Variants in ROR2 observed in about 807,000 individuals in gnomAD.
The protein encoded by ROR2 is ROR family WNT receptor 2.
In ROR2, 33 loss-of-function variants were observed where a neutral mutation model predicts 74.9. That is an observed-to-expected ratio of 0.44 (90% CI 0.33 to 0.59). The LOEUF (loss-of-function observed/expected upper bound fraction) is 0.59. ROR2 is among the 20% of genes least tolerant of loss of function. ROR2 has a pLI of 0.02. For synonymous variants in ROR2, 586 were observed against 558.7 expected (o/e 1.05, Z -0.69); for missense variants, 1,216 against 1,313.8 (o/e 0.93, Z 1.15).
intron 1 of ROR2, among the ~76,000 whole-genome samples, chr9:91,936,271 G>A (rs945427034): frequency 2.0e-5 from 3 of 152,240 alleles, no homozygotes; most frequent in Non-Finnish European, 4.4e-5. Flanking sequence ...AAACTGGGCA[G>A]CTTAAACAAC....
At chr9:91,937,452 G>A (rs187034364) in intron 1 of ROR2, among the ~76,000 whole-genome samples, 6 of 151,754 alleles carry the variant, frequency 4.0e-5, no homozygotes, top group East Asian at 3.9e-4. Flanking sequence ...AGATCCAGAC[G>A]CCCCAGGGGT....
chr9:91,880,034 G>A (rs1423915273), intron 1 of ROR2, among the ~76,000 whole-genome samples: 2 of 152,070 alleles, frequency 1.3e-5, no homozygotes, highest in Admixed American at 6.6e-5. Context: ...TCCAAAATTC[G>A]TATGTTGAAG....
At chr9:91,801,665 G>T (rs987659157) in intron 1 of ROR2, among the ~76,000 whole-genome samples, 1 of 152,122 alleles carries the variant, frequency 6.6e-6, no homozygotes, top group Non-Finnish European at 1.5e-5. Flanking sequence ...ATCTCATGCC[G>T]GAATCCCCAG....
chr9:91,860,925 G>A (rs904996729), intron 1 of ROR2, among the ~76,000 whole-genome samples: 1 of 151,972 alleles, frequency 6.6e-6, no homozygotes, highest in Non-Finnish European at 1.5e-5. Flanking sequence ...TATACAAAAC[G>A]AATATACAAA....
intron 1 of ROR2, among the ~76,000 whole-genome samples, chr9:91,784,111 C>T (rs576575004): frequency 9.8e-5 from 15 of 152,286 alleles, no homozygotes; most frequent in African/African-American, 3.4e-4. Flanking sequence ...GACCTGTCCA[C>T]ACCACAGCCC....
At position 91,926,853 on chromosome 9, in the gene ROR2, G is replaced by A. The variant is rs550413768; in HGVS notation, c.97+23014C>T. 2.6e-5 allele frequency among the ~76,000 whole-genome samples: 4 copies of A among 152,254 alleles called. No individual in the cohort carries two copies. The East Asian group carries it at 7.8e-4, about 30-fold the overall frequency. ...GGAACTCAGGAGCGGGGAATAAAGAGGTAGTGTTTCATGGGGAGAGAGCTT... is the reference window on the plus strand; with the variant it reads ...GGAACTCAGGAGCGGGGAATAAAGAAGTAGTGTTTCATGGGGAGAGAGCTT... On this transcript the variant is annotated intron_variant, in intron 1 of 8. Coordinates refer to ENST00000375708, the MANE Select transcript of ROR2 (RefSeq NM_004560.4).
chr9:91,944,308 G>A (rs996757205), intron 1 of ROR2, among the ~76,000 whole-genome samples: 1 of 152,224 alleles, frequency 6.6e-6, no homozygotes, highest in Non-Finnish European at 1.5e-5. Context: ...CTGTCATATA[G>A]GTGGTCCATC....
intron 1 of ROR2, among the ~76,000 whole-genome samples, chr9:91,837,150 T>TTTG (rs1554681446): frequency 9.2e-5 from 14 of 151,914 alleles, no homozygotes; most frequent in Non-Finnish European, 1.9e-4. Flanking sequence ...TGTTTTTTTT[T>TTTG]TTGTTGTTGT....
chr9:91,821,411 G>T (rs1828134422), intron 1 of ROR2, among the ~76,000 whole-genome samples: 1 of 152,114 alleles, frequency 6.6e-6, no homozygotes, highest in Non-Finnish European at 1.5e-5. Flanking sequence ...CTCCACCATG[G>T]AACCACCATT....
intron 1 of ROR2, among the ~76,000 whole-genome samples, chr9:91,941,891 A>G (rs1299951718): frequency 2.0e-5 from 3 of 152,002 alleles, no homozygotes; most frequent in African/African-American, 7.3e-5. Flanking sequence ...CCCGGGTTCA[A>G]GTGATTCTCC....
intron 1 of ROR2, among the ~76,000 whole-genome samples, chr9:91,918,140 C>T (rs1351952666): frequency 2.6e-5 from 4 of 152,026 alleles, no homozygotes; most frequent in Non-Finnish European, 4.4e-5. Context: ...TGGTGGCAGG[C>T]GCCTGTAGTC....
At chr9:91,903,328 C>A (rs145773383) in intron 1 of ROR2, among the ~76,000 whole-genome samples, 2,212 of 152,108 alleles carry the variant, frequency 0.015, 59 homozygotes, top group African/African-American at 0.05. Flanking sequence ...CCGCTGGCTT[C>A]CCCTGCCCAA....
chr9:91,920,792 C>G (rs980288343), intron 1 of ROR2, among the ~76,000 whole-genome samples: 5 of 152,158 alleles, frequency 3.3e-5, no homozygotes, highest in Admixed American at 6.5e-5. Flanking sequence ...GCAGAAGAGG[C>G]GGAGACCCCA....
At chr9:91,885,171 T>C (rs1300820806) in intron 1 of ROR2, among the ~76,000 whole-genome samples, 1 of 152,144 alleles carries the variant, frequency 6.6e-6, no homozygotes, top group Non-Finnish European at 1.5e-5. Flanking sequence ...TCTCTCCCAT[T>C]TGTCAATCAA....
intron 1 of ROR2, among the ~76,000 whole-genome samples, chr9:91,852,645 ACACACC>A (rs1322497692): frequency 1.6e-3 from 239 of 150,432 alleles, no homozygotes; most frequent in African/African-American, 5.6e-3. Context: ...ACACACACAC[ACACACC>A]CACACACACA....
At chr9:91,908,996 TAAG>T (rs1830886078) in intron 1 of ROR2, among the ~76,000 whole-genome samples, 1 of 152,186 alleles carries the variant, frequency 6.6e-6, no homozygotes, top group African/African-American at 2.4e-5. Context: ...CAGAGGAATT[TAAG>T]AAGAAACCAC....
intron 1 of ROR2, chr9:91,948,873 C>A: frequency 2.0e-6 from 2 of 985,522 alleles, no homozygotes; most frequent in South Asian, 9.4e-5. Context: ...TGCCGAGAAT[C>A]CGGCCCGAGG....
intron 1 of ROR2, among the ~76,000 whole-genome samples, chr9:91,792,998 G>C (rs1368755086): frequency 6.6e-6 from 1 of 152,210 alleles, no homozygotes; most frequent in Non-Finnish European, 1.5e-5. Flanking sequence ...GTTTAGAGAA[G>C]AGTTAAGGTC....
intron 3 of ROR2, among the ~76,000 whole-genome samples, chr9:91,756,743 C>CTTTTTTTTTT (rs557043787): frequency 3.8e-5 from 4 of 104,064 alleles, no homozygotes; most frequent in Admixed American, 2.4e-4. Context: ...TTTTTGTTCT[C>CTTTTTTTTTT]TTTTTTTTTT....
Sources: gnomAD v4.1 joint callset for allele counts (sites outside exome capture counted in the v4.1 genomes callset) on GRCh38, gnomAD v4.1.1 for gene constraint, MANE v1.5 for transcripts, NCBI Gene and HGNC (gene_info 2026-07-23, HGNC 2026-07-21) for gene names.